The following RNGTT variants were observed in gnomAD, a reference collection of about 807,000 sequenced individuals.
The protein encoded by RNGTT is mRNA-capping enzyme.
In RNGTT, 33 loss-of-function variants were observed where a neutral mutation model predicts 79.3. That is an observed-to-expected ratio of 0.42 (90% CI 0.32 to 0.56). RNGTT has a LOEUF of 0.56. RNGTT is among the 20% of genes least tolerant of loss of function. RNGTT has a pLI of 0.17. For missense variants in RNGTT, 497 were observed against 739.1 expected (o/e 0.67, Z 3.80); for synonymous variants, 222 against 235.9 (o/e 0.94, Z 0.54).
intron 12 of RNGTT, among the ~76,000 whole-genome samples, chr6:88,797,504 G>T (rs898296812): frequency 6.6e-6 from 1 of 152,088 alleles, no homozygotes; most frequent in Non-Finnish European, 1.5e-5. Context: ...TATGCAGCAG[G>T]ACTAAAGAAT....
chr6:88,893,665 T>C (rs562601322), intron 6 of RNGTT, among the ~76,000 whole-genome samples: 2 of 152,294 alleles, frequency 1.3e-5, no homozygotes, highest in African/African-American at 4.8e-5. Flanking sequence ...TGAGTCTGGT[T>C]ATAAAAGTTA....
intron 13 of RNGTT, among the ~76,000 whole-genome samples, chr6:88,714,974 C>G (rs933028400): frequency 1.1e-4 from 16 of 151,834 alleles, no homozygotes; most frequent in African/African-American, 4.8e-5. Context: ...GGGCAATTAG[C>G]CAGGAGAAGG....
At chr6:88,638,350 G>A (rs183857999) in intron 14 of RNGTT, among the ~76,000 whole-genome samples, 7 of 152,174 alleles carry the variant, frequency 4.6e-5, no homozygotes, top group East Asian at 1.9e-4. Flanking sequence ...ATTCAATTCC[G>A]TCAAAAGCTG....
rs770536645 is a variant in RNGTT at position 88,844,375 on chromosome 6, G to A, written c.1251C>T (p.Asp417=). The change falls in exon 11 of 16, where the codon GAC becomes GAT. Residue 417 remains aspartate, a synonymous_variant. Coordinates refer to ENST00000369485, the MANE Select transcript of RNGTT (RefSeq NM_003800.5). The stretch of plus-strand genomic sequence containing the variant: ...ACTTTACCTTTCTTGAAGTACAGAT[G>A]TCAAAAAACGGCTTATTTCTGACGC... The part of the protein sequence containing the change: ...PFSVRNKPFF[D]ICTSRKLLEG... 13 of 1,612,618 alleles carry A rather than the reference G, an allele frequency of 8.1e-6. No homozygotes were observed. Among genetic ancestry groups the A allele is most frequent in the South Asian group, 4.4e-5 (4 of 90,578 alleles).
At chr6:88,715,629 T>C (rs1776483463) in intron 13 of RNGTT, among the ~76,000 whole-genome samples, 1 of 152,042 alleles carries the variant, frequency 6.6e-6, no homozygotes, top group Non-Finnish European at 1.5e-5. Flanking sequence ...AATAGACCAA[T>C]GGAACACAAC....
intron 14 of RNGTT, among the ~76,000 whole-genome samples, chr6:88,674,658 A>G (rs1350002218): frequency 2.0e-5 from 3 of 152,198 alleles, no homozygotes; most frequent in Non-Finnish European, 2.9e-5. Flanking sequence ...AAACATAAAA[A>G]TATGTCATAT....
In RNGTT at chr6:88,643,168, T is replaced by A. The variant is rs192986936; in HGVS notation, c.1507-28773A>T. Among the ~76,000 whole-genome samples the A allele has an allele frequency of 1.6e-4, 24 of 152,104 alleles. No individual in the cohort carries two copies. The East Asian group carries it at 4.4e-3, about 28-fold the overall frequency. ...AGCTTACATTTGGGAAAAAAAATCATCTAATATAAACCCTAATTTATACTT... is the reference window on the plus strand; with the variant it reads ...AGCTTACATTTGGGAAAAAAAATCAACTAATATAAACCCTAATTTATACTT... On this transcript the variant is annotated intron_variant, in intron 14 of 15. Coordinates refer to ENST00000369485, the MANE Select transcript of RNGTT (RefSeq NM_003800.5).
At chr6:88,806,167 A>G (rs1325191750) in intron 11 of RNGTT, among the ~76,000 whole-genome samples, 1 of 152,150 alleles carries the variant, frequency 6.6e-6, no homozygotes, top group East Asian at 1.9e-4. Flanking sequence ...CACATACACA[A>G]AGGAAAAATA....
rs549565339 is a variant in RNGTT at position 88,726,321 on chromosome 6, T to C, written c.1439+43453A>G. On this transcript the variant is annotated intron_variant, in intron 13 of 15. Coordinates refer to ENST00000369485, the MANE Select transcript of RNGTT (RefSeq NM_003800.5). ...CAACTGCTCTCCTAACAGAAGAAAG[T>C]AGAAAAACAACTTTTAGAGGAAACC... 8.4e-5 allele frequency among the ~76,000 whole-genome samples: 11 copies of C among 131,326 alleles called. No homozygotes were observed. The East Asian group carries it at 2.2e-3, about 27-fold the overall frequency. 86.2% of individuals were successfully genotyped at this position (131,326 alleles called of 152,430 possible).
At position 88,761,911 on chromosome 6, in the gene RNGTT, G is replaced by A. The variant is rs181756987; in HGVS notation, c.1439+7863C>T. Among the ~76,000 whole-genome samples, 111 of 152,242 alleles carry A rather than the reference G, an allele frequency of 7.3e-4. 2 individuals carry two copies. The South Asian group carries it at 0.017, about 23-fold the overall frequency. On this transcript the variant is annotated intron_variant, in intron 13 of 15. Coordinates refer to ENST00000369485, the MANE Select transcript of RNGTT (RefSeq NM_003800.5). ...CCCGATGGGTAATCCCCTAGTGGTC[G>A]TGTCTGTTTAAAGTAAGTGTCTGGT... is the stretch of plus-strand genomic sequence containing the variant.
intron 14 of RNGTT, among the ~76,000 whole-genome samples, chr6:88,662,789 G>A (rs528226385): frequency 2.2e-4 from 34 of 152,334 alleles, no homozygotes; most frequent in African/African-American, 6.3e-4. Context: ...GCAGACCCCC[G>A]TGGAGAATTA....
intron 12 of RNGTT, among the ~76,000 whole-genome samples, chr6:88,783,542 C>CA (rs539060677): frequency 2.0e-3 from 299 of 151,730 alleles, no homozygotes; most frequent in African/African-American, 4.7e-3. Context: ...TTCTATACGT[C>CA]AAAAAAGTTA....
At chr6:88,742,593 C>T (rs1215839668) in intron 13 of RNGTT, among the ~76,000 whole-genome samples, 1 of 152,154 alleles carries the variant, frequency 6.6e-6, no homozygotes, top group African/African-American at 2.4e-5. Context: ...ACGGCATGCT[C>T]TGATTGTGAC....
At chr6:88,670,767 C>T (rs1582307701) in intron 14 of RNGTT, among the ~76,000 whole-genome samples, 1 of 152,182 alleles carries the variant, frequency 6.6e-6, no homozygotes, top group East Asian at 1.9e-4. Flanking sequence ...CCCACTTGCA[C>T]AATGTATCAT....
At chr6:88,907,537 T>C (rs1162936959) in intron 4 of RNGTT, among the ~76,000 whole-genome samples, 1 of 152,198 alleles carries the variant, frequency 6.6e-6, no homozygotes, top group African/African-American at 2.4e-5. Context: ...CATGCACAAC[T>C]GTGAGTCCAT....
chr6:88,649,896 A>G (rs1217548346), intron 14 of RNGTT, among the ~76,000 whole-genome samples: 1 of 152,182 alleles, frequency 6.6e-6, no homozygotes, highest in East Asian at 1.9e-4. Context: ...CCTCAAGGAG[A>G]GTGGACCAAG....
intron 13 of RNGTT, among the ~76,000 whole-genome samples, chr6:88,699,843 C>CAT (rs1403085732): frequency 2.6e-5 from 4 of 152,086 alleles, no homozygotes; most frequent in Admixed American, 6.6e-5. Context: ...TGGTTTGAAT[C>CAT]ATATAAGGTA....
At chr6:88,727,143 A>C (rs150996410) in intron 13 of RNGTT, among the ~76,000 whole-genome samples, 1 of 152,306 alleles carries the variant, frequency 6.6e-6, no homozygotes, top group Non-Finnish European at 1.5e-5. Context: ...GTGAAAAAAA[A>C]GTTATAAAAC....
chr6:88,618,502 A>G (rs1772316359), intron 14 of RNGTT, among the ~76,000 whole-genome samples: 1 of 152,182 alleles, frequency 6.6e-6, no homozygotes, highest in Non-Finnish European at 1.5e-5. Flanking sequence ...ACAGGACCCC[A>G]TCAGGTCTTC....
Sources: gnomAD v4.1 joint callset for allele counts (sites outside exome capture counted in the v4.1 genomes callset) on GRCh38, gnomAD v4.1.1 for gene constraint, MANE v1.5 for transcripts, NCBI Gene and HGNC (gene_info 2026-07-23, HGNC 2026-07-21) for gene names.